The following SEMA6D variants were observed in gnomAD, a reference collection of about 807,000 sequenced individuals.
SEMA6D encodes the protein semaphorin 6D, also known as semaphorin-6D.
SEMA6D carries 35 observed loss-of-function variants against 106.6 expected under a neutral mutation model. The ratio of observed to expected loss-of-function variants is 0.33; its 90% CI spans 0.25 to 0.44. The LOEUF (loss-of-function observed/expected upper bound fraction) is 0.44. Ranked by LOEUF, SEMA6D falls within the 20% of genes least tolerant of loss-of-function variation. The pLI, the probability that SEMA6D is intolerant of heterozygous loss-of-function variation, is 1.00. For missense variants in SEMA6D, 1,185 were observed against 1,345.9 expected (o/e 0.88, Z 1.87); for synonymous variants, 499 against 487.7 (o/e 1.02, Z -0.31).
intron 1 of SEMA6D, among the ~76,000 whole-genome samples, chr15:47,728,971 C>T (rs1378189946): frequency 1.3e-5 from 2 of 152,172 alleles, no homozygotes; most frequent in East Asian, 3.9e-4. Context: ...TCCCTCTCGC[C>T]ATGTAAGGCA....
intron 3 of SEMA6D, among the ~76,000 whole-genome samples, chr15:47,534,657 C>T (rs565053033): frequency 6.6e-6 from 1 of 152,172 alleles, no homozygotes; most frequent in South Asian, 2.1e-4. Context: ...GGCAGTATCC[C>T]ACTGTTGGAG....
intron 1 of SEMA6D, among the ~76,000 whole-genome samples, chr15:47,400,316 C>A (rs1567053295): frequency 1.3e-5 from 2 of 151,962 alleles, no homozygotes; most frequent in Non-Finnish European, 2.9e-5. Context: ...AGGACAAACT[C>A]CCTTGTCTAC....
chr15:47,659,132 AAATT>A (rs1231980937), intron 4 of SEMA6D, among the ~76,000 whole-genome samples: 2 of 152,114 alleles, frequency 1.3e-5, no homozygotes, highest in African/African-American at 4.8e-5. Context: ...TGTCATGAAA[AAATT>A]AACACATATG....
chr15:47,738,246 C>T (rs145168153), intron 1 of SEMA6D, among the ~76,000 whole-genome samples: 28 of 152,140 alleles, frequency 1.8e-4, no homozygotes, highest in African/African-American at 5.3e-4. Context: ...TGAGAACATG[C>T]GGTGTTTGGT....
chr15:47,492,773 C>G (rs1291361507), intron 3 of SEMA6D, among the ~76,000 whole-genome samples: 2 of 152,080 alleles, frequency 1.3e-5, no homozygotes, highest in South Asian at 2.1e-4. Flanking sequence ...ATAACCGCTG[C>G]CCCTTAAATG....
intron 1 of SEMA6D, among the ~76,000 whole-genome samples, chr15:47,293,031 A>C (rs118162529): frequency 6.6e-6 from 1 of 152,294 alleles, no homozygotes; most frequent in Non-Finnish European, 1.5e-5. Flanking sequence ...TTCTGAGATT[A>C]CTGAATCCAA....
rs78258207 is a variant in SEMA6D, at chr15:47,508,566, G to A, written c.-87+38021G>A. Reference sequence around the variant, plus strand: ...AACTTTTTAAAAGCAATTTCAATCTGTGAACAGTGCTTGACACATCATAGA... The same window carrying A: ...AACTTTTTAAAAGCAATTTCAATCTATGAACAGTGCTTGACACATCATAGA... On this transcript the variant is annotated intron_variant, in intron 3 of 19. Coordinates refer to the SEMA6D transcript ENST00000558014. Among the ~76,000 whole-genome samples the A allele has an allele frequency of 5.8e-3, 881 of 152,304 alleles. 10 individuals are homozygous for A. The highest frequency in any genetic ancestry group is 0.04 in the East Asian group (205 of 5,178).
At chr15:47,291,580 T>C (rs1306550023) in intron 1 of SEMA6D, among the ~76,000 whole-genome samples, 2 of 152,134 alleles carry the variant, frequency 1.3e-5, no homozygotes, top group Non-Finnish European at 2.9e-5. Context: ...CTATGGGAAT[T>C]CTAGGGAATG....
At position 47,771,005 on chromosome 15, in the gene SEMA6D, A is replaced by G; in HGVS notation, c.2442A>G (p.Pro814=). ...ETPQFFPSSP[P]PHSPLSHGHI... is the part of the protein sequence containing the mutation. Reference sequence around the variant, plus strand: ...CTCAGTTTTTTCCGTCTAGTCCGCCACCTCATTCCCCATTAAGTCATGGGC... The same window carrying G: ...CTCAGTTTTTTCCGTCTAGTCCGCCGCCTCATTCCCCATTAAGTCATGGGC... Residue 814 remains proline, a synonymous_variant, in exon 19 of 19, where the codon CCA becomes CCG. Coordinates refer to ENST00000536845, the MANE Select transcript of SEMA6D (RefSeq NM_001358351.3). 1 of 1,614,064 alleles carries G rather than the reference A, an allele frequency of 6.2e-7. No homozygotes were observed.
intron 3 of SEMA6D, among the ~76,000 whole-genome samples, chr15:47,552,866 T>TA (rs1566882847): frequency 1.7e-5 from 1 of 59,618 alleles, no homozygotes; most frequent in African/African-American, 1.6e-4. Flanking sequence ...ATATATATAT[T>TA]TTTATATATA....
At chr15:47,696,772 T>G (rs1301629810) in intron 4 of SEMA6D, among the ~76,000 whole-genome samples, 1 of 152,200 alleles carries the variant, frequency 6.6e-6, no homozygotes, top group East Asian at 1.9e-4. Flanking sequence ...AATTCTGCAT[T>G]AGGGACTGGC....
At chr15:47,366,067 A>G (rs1287526980) in intron 1 of SEMA6D, among the ~76,000 whole-genome samples, 1 of 152,212 alleles carries the variant, frequency 6.6e-6, no homozygotes, top group Non-Finnish European at 1.5e-5. Flanking sequence ...CCTTTTTTAC[A>G]GGGTCAATGT....
intron 1 of SEMA6D, among the ~76,000 whole-genome samples, chr15:47,719,659 T>C (rs1403078289): frequency 1.3e-5 from 2 of 152,208 alleles, no homozygotes; most frequent in Non-Finnish European, 2.9e-5. Flanking sequence ...AATACTTGTT[T>C]GAAGAAAATT....
At chr15:47,231,235 GTC>G (rs1409340506) in intron 1 of SEMA6D, among the ~76,000 whole-genome samples, 7 of 151,740 alleles carry the variant, frequency 4.6e-5, no homozygotes, top group African/African-American at 1.7e-4. Flanking sequence ...CTCTCATCCT[GTC>G]TGTCACTCAC....
intron 1 of SEMA6D, among the ~76,000 whole-genome samples, chr15:47,354,371 T>TTA (rs544186437): frequency 0.044 from 6,125 of 139,806 alleles, 193 homozygotes; most frequent in South Asian, 0.13. Context: ...ATGTGAAAGC[T>TTA]TATATATATA....
intron 1 of SEMA6D, among the ~76,000 whole-genome samples, chr15:47,734,843 T>A (rs1479426503): frequency 1.3e-5 from 2 of 152,204 alleles, no homozygotes; most frequent in Non-Finnish European, 2.9e-5. Flanking sequence ...AAATTAGCAC[T>A]CTTCTTGAGA....
At chr15:47,302,879 A>T (rs1394750096) in intron 1 of SEMA6D, among the ~76,000 whole-genome samples, 1 of 152,182 alleles carries the variant, frequency 6.6e-6, no homozygotes, top group East Asian at 1.9e-4. Context: ...AAGAGACTAC[A>T]TTGGTGTTTT....
chr15:47,453,203 G>A (rs1370178799), intron 2 of SEMA6D, among the ~76,000 whole-genome samples: 1 of 151,474 alleles, frequency 6.6e-6, no homozygotes, highest in African/African-American at 2.4e-5. Flanking sequence ...TAATTTCCAA[G>A]TTCCCAAAAG....
chr15:47,370,818 A>G (rs1449731022), intron 1 of SEMA6D, among the ~76,000 whole-genome samples: 1 of 151,960 alleles, frequency 6.6e-6, no homozygotes, highest in African/African-American at 2.4e-5. Context: ...GTGAGCTGAG[A>G]TCGTGCCACT....
Sources: allele counts gnomAD v4.1 joint callset (sites outside exome capture counted in the v4.1 genomes callset), GRCh38; gene constraint gnomAD v4.1.1; transcripts MANE v1.5; gene names NCBI Gene and HGNC (gene_info 2026-07-23, HGNC 2026-07-21).